REEP1: variants seen among roughly 807,000 people sequenced by gnomAD.
REEP1 encodes the protein receptor expression-enhancing protein 1.
A neutral mutation model predicts 40.3 loss-of-function variants in REEP1; 22 were observed. The ratio of observed to expected loss-of-function variants is 0.55; its 90% CI spans 0.39 to 0.78. The LOEUF (loss-of-function observed/expected upper bound fraction) is 0.78. Ranked by LOEUF, REEP1 falls within the 30% of genes least tolerant of loss-of-function variation. The probability of loss-of-function intolerance (pLI) is 0.00; values close to 1 mark genes in which losing one functional copy is unlikely to be tolerated. For missense variants in REEP1, 280 were observed against 361.1 expected (o/e 0.78, Z 1.82); for synonymous variants, 116 against 139.2 (o/e 0.83, Z 1.17).
chr2:86,314,628 C>A (rs768269554), intron 1 of REEP1, among the ~76,000 whole-genome samples: 1 of 151,704 alleles, frequency 6.6e-6, no homozygotes, highest in African/African-American at 2.4e-5. Flanking sequence ...CAATTCTGCA[C>A]TCCTCACCTC....
At chr2:86,334,263 T>C (rs1680905488) in intron 1 of REEP1, among the ~76,000 whole-genome samples, 1 of 152,160 alleles carries the variant, frequency 6.6e-6, no homozygotes, top group Non-Finnish European at 1.5e-5. Context: ...TCTGGTCGGA[T>C]GGTTGGGACC....
In REEP1 at chr2:86,215,624, C is replaced by A. The variant is rs116705276; in HGVS notation, c.*1415G>T. ...CAACTCGAAGCACAAATATATTATT[C>A]TTATATTTCGGCTCAGCTCTCAGTG... On this transcript the variant is annotated 3_prime_UTR_variant, in exon 9 of 9. Transcript: ENST00000538924. The A allele has an allele frequency of 0.022, 3,337 of 152,680 alleles. 69 individuals carry two copies. The highest frequency in any genetic ancestry group is 0.034 in the Non-Finnish European group (2,285 of 68,010). 9.5% of individuals were successfully genotyped at this position (152,680 alleles called of 1,614,324 possible).
chr2:86,326,298 C>G (rs887828878), intron 1 of REEP1, among the ~76,000 whole-genome samples: 1 of 152,128 alleles, frequency 6.6e-6, no homozygotes, highest in East Asian at 1.9e-4. Flanking sequence ...ATAAATTGAC[C>G]AAGCTATGAA....
At chr2:86,241,154 C>T (rs1478322209) in intron 5 of REEP1, among the ~76,000 whole-genome samples, 1 of 152,208 alleles carries the variant, frequency 6.6e-6, no homozygotes, top group Admixed American at 6.5e-5. Context: ...CCTGGCCTTG[C>T]CTGTGGAAGT....
intron 1 of REEP1, among the ~76,000 whole-genome samples, chr2:86,325,249 T>A (rs1262060781): frequency 6.6e-6 from 1 of 152,118 alleles, no homozygotes; most frequent in Non-Finnish European, 1.5e-5. Flanking sequence ...TCCTGTCTTT[T>A]AAAAAAAATT....
chr2:86,217,684 T>TTTTTC lies in REEP1; in HGVS notation c.784-575_784-574insGAAAA, dbSNP rs1553456158. 3.1e-5 allele frequency among the ~76,000 whole-genome samples: 4 copies of TTTTTC among 127,866 alleles called. No individual in the cohort carries two copies. The East Asian group carries it at 1.1e-3, about 37-fold the overall frequency. The allele number at this position is 127,866 out of a possible 152,430, so 83.9% of individuals were successfully genotyped here. On this transcript the variant is annotated intron_variant, in intron 8 of 8. Coordinates refer to ENST00000538924, the MANE Select transcript of REEP1 (RefSeq NM_001371279.1). ...ATTTCAGATTTTTTTTTTTTTTTTT[T>TTTTTC]CAGATTTTGGGATGTTTGCATATAC...
intron 1 of REEP1, among the ~76,000 whole-genome samples, chr2:86,314,609 C>T (rs1418731252): frequency 2.0e-5 from 3 of 151,806 alleles, no homozygotes; most frequent in East Asian, 2.0e-4. Context: ...GCCACAGGAA[C>T]GGACCAGCCA....
intron 7 of REEP1, among the ~76,000 whole-genome samples, chr2:86,225,978 AG>A (rs1674659587): frequency 6.6e-6 from 1 of 152,106 alleles, no homozygotes; most frequent in Non-Finnish European, 1.5e-5. Flanking sequence ...GGCTCCAACA[AG>A]CCATCACTCA....
intron 7 of REEP1, among the ~76,000 whole-genome samples, chr2:86,220,498 G>A (rs1343563370): frequency 6.6e-6 from 1 of 152,232 alleles, no homozygotes; most frequent in East Asian, 1.9e-4. Flanking sequence ...CCAGGTGAAT[G>A]CTCAGGGAAA....
intron 6 of REEP1, among the ~76,000 whole-genome samples, chr2:86,227,805 C>T (rs537696858): frequency 6.6e-6 from 1 of 152,318 alleles, no homozygotes; most frequent in East Asian, 1.9e-4. Context: ...TGGGCATTTG[C>T]AAAGGCCTAA....
chr2:86,335,586 C>A (rs1474123490), intron 1 of REEP1, among the ~76,000 whole-genome samples: 1 of 152,164 alleles, frequency 6.6e-6, no homozygotes, highest in Non-Finnish European at 1.5e-5. Context: ...CGTGGTAGCT[C>A]ACGCCTGTAA....
Position 86,337,404 on chromosome 2 carries a change from G to A in REEP1, c.32+75C>T, listed in dbSNP as rs1681099909. The A allele has an allele frequency of 3.8e-6, 4 of 1,058,144 alleles. No homozygotes were observed. The highest frequency in any genetic ancestry group is 4.8e-6 in the Non-Finnish European group (4 of 837,030). The allele number at this position is 1,058,144 out of a possible 1,614,324, so 65.5% of individuals were successfully genotyped here. A position where few individuals can be genotyped will look rare whatever the true frequency, so the allele number is the denominator to read the frequency against. On this transcript the variant is annotated intron_variant, in intron 1 of 8. Transcript: ENST00000538924. The surrounding 1 kb of genome is among the most constrained non-coding windows in gnomAD (Gnocchi z 5.8). The stretch of plus-strand genomic sequence containing the variant: ...GCCCGAGCCACTGGGACCGGGCGCT[G>A]TAGGGGCGCGCGCAGCCCGGGGCCG...
intron 6 of REEP1, 89 bp downstream of exon 6, chr2:86,232,536 C>A (rs1675078113): frequency 6.7e-7 from 1 of 1,495,358 alleles, no homozygotes; most frequent in Non-Finnish European, 9.2e-7. Context: ...GGGCCAGGGC[C>A]AGGCTGCATG....
intron 6 of REEP1, among the ~76,000 whole-genome samples, chr2:86,231,528 G>A (rs1460857346): frequency 6.6e-6 from 1 of 152,266 alleles, no homozygotes; most frequent in East Asian, 1.9e-4. Flanking sequence ...GATGGGGTCT[G>A]TCAGGACATG....
Position 86,264,035 on chromosome 2 carries a change from A to G in REEP1, c.112T>C (p.Trp38Arg). Residue 38 changes from tryptophan (W) to arginine (R), a missense_variant, in exon 3 of 9, where the codon TGG becomes CGG. Trp to Arg is a moderately radical substitution (Grantham distance 101). Around this residue, in one of 3 missense-constraint regions of REEP1, gnomAD observed 68 missense variants for 83.7 expected, o/e 0.81. Transcript: ENST00000538924. ...GCAAATATAATCCAGTACATCATCC[A>G]TTTGACCTGTTGAAACAGAAAGCAA... Reference protein sequence around the residue: ...KSKDIKEYVKWMMYWIIFALF... With the variant: ...KSKDIKEYVKRMMYWIIFALF... 1 of 1,612,862 alleles carries G rather than the reference A, an allele frequency of 6.2e-7. No individual in the cohort carries two copies. The highest frequency in any genetic ancestry group is 8.5e-7 in the Non-Finnish European group (1 of 1,178,836).
intron 4 of REEP1, 79 bp from the exon 5 acceptor site, chr2:86,252,149 T>TG: frequency 9.3e-7 from 1 of 1,074,706 alleles, no homozygotes; most frequent in Non-Finnish European, 1.4e-6. Flanking sequence ...CTCTGAGCAT[T>TG]GGGCTTGGCA....
chr2:86,302,669 T>C (rs34069316), intron 1 of REEP1, among the ~76,000 whole-genome samples: 51,943 of 152,014 alleles, frequency 0.34, 9,818 homozygotes, highest in Middle Eastern at 0.45. Context: ...ACTAAAATCT[T>C]ATCTTAGGAC....
chr2:86,288,056 C>T (rs1307735298), intron 1 of REEP1, among the ~76,000 whole-genome samples: 1 of 141,522 alleles, frequency 7.1e-6, no homozygotes, highest in Non-Finnish European at 1.5e-5. Flanking sequence ...GAGTCTCGCT[C>T]CCATTGTGCA....
Position 86,215,478 on chromosome 2 carries a change from G to GTT in REEP1, c.*1559_*1560dup, listed in dbSNP as rs1674056481. ...CCTGTTTATAGTTGACTGACAGTAAGTTCTATATGGTATATAACACTAATT... is the reference window on the plus strand; with the variant it reads ...CCTGTTTATAGTTGACTGACAGTAAGTTTTCTATATGGTATATAACACTAATT... On this transcript the variant is annotated 3_prime_UTR_variant, in exon 9 of 9. Coordinates refer to ENST00000538924, the MANE Select transcript of REEP1 (RefSeq NM_001371279.1). 6.6e-6 allele frequency: 1 copy of GTT among 152,560 alleles called. No individual in the cohort carries two copies. The highest frequency in any genetic ancestry group is 2.4e-5 in the African/African-American group (1 of 41,404). The allele number at this position is 152,560 out of a possible 1,614,324, so 9.5% of individuals were successfully genotyped here.
Sources: allele counts gnomAD v4.1 joint callset (sites outside exome capture counted in the v4.1 genomes callset), GRCh38; gene constraint gnomAD v4.1.1; regional missense constraint gnomAD v4.1.1; non-coding constraint Gnocchi (gnomAD v3.1); transcripts MANE v1.5; gene names NCBI Gene and HGNC (gene_info 2026-07-23, HGNC 2026-07-21).